The following TFEC variants were observed in gnomAD, a reference collection of about 807,000 sequenced individuals.
TFEC encodes the protein transcription factor EC.
TFEC carries 31 observed loss-of-function variants against 41.6 expected under a neutral mutation model. That is an observed-to-expected ratio of 0.74 (90% CI 0.56 to 1.01). TFEC has a LOEUF of 1.01. Ranked by LOEUF, TFEC falls within the 50% of genes least tolerant of loss-of-function variation. The pLI is 0.00. For missense variants in TFEC, 402 were observed against 404.1 expected (o/e 0.99, Z 0.04); for synonymous variants, 143 against 140.6 (o/e 1.02, Z -0.12).
At chr7:116,111,343 A>C (rs1584530511) in intron 2 of TFEC, among the ~76,000 whole-genome samples, 1 of 152,052 alleles carries the variant, frequency 6.6e-6, no homozygotes, top group East Asian at 1.9e-4. Context: ...AGTATATTAA[A>C]ATATGTCAAA....
chr7:116,064,371 TA>T (rs1451063912), intron 3 of TFEC, among the ~76,000 whole-genome samples: 1 of 150,640 alleles, frequency 6.6e-6, no homozygotes, highest in Admixed American at 6.6e-5. Flanking sequence ...TATTTGTCAA[TA>T]AAATAAAATA....
intron 3 of TFEC, among the ~76,000 whole-genome samples, chr7:115,959,373 G>T (rs1049941945): frequency 5.9e-5 from 9 of 151,810 alleles, no homozygotes; most frequent in African/African-American, 2.2e-4. Flanking sequence ...AATAACAGTA[G>T]TTTCCTGGTA....
At chr7:116,093,245 A>G (rs1449090190) in intron 3 of TFEC, among the ~76,000 whole-genome samples, 1 of 152,138 alleles carries the variant, frequency 6.6e-6, no homozygotes, top group Non-Finnish European at 1.5e-5. Context: ...TAGAATATAT[A>G]TGTTTGAAAA....
intron 3 of TFEC, among the ~76,000 whole-genome samples, chr7:116,094,089 A>G (rs1797392425): frequency 6.6e-6 from 1 of 152,210 alleles, no homozygotes; most frequent in South Asian, 2.1e-4. Context: ...AACAGATTGG[A>G]CACCAACAGA....
chr7:115,962,052 T>G (rs370070442), intron 3 of TFEC, among the ~76,000 whole-genome samples: 2 of 151,424 alleles, frequency 1.3e-5, no homozygotes, highest in East Asian at 3.9e-4. Flanking sequence ...ACATGAACCA[T>G]GAACAAACTG....
chr7:116,008,329 A>G (rs1794877262), intron 1 of TFEC, among the ~76,000 whole-genome samples: 1 of 152,224 alleles, frequency 6.6e-6, no homozygotes, highest in African/African-American at 2.4e-5. Flanking sequence ...ACCTGGTGAT[A>G]GTAAATAAAA....
chr7:115,945,864 G>A (rs1791510191), intron 6 of TFEC, among the ~76,000 whole-genome samples: 1 of 151,698 alleles, frequency 6.6e-6, no homozygotes, highest in Admixed American at 6.6e-5. Flanking sequence ...ATGAGGTCAA[G>A]CTCATTCATT....
intron 3 of TFEC, among the ~76,000 whole-genome samples, chr7:116,106,842 C>A (rs935310957): frequency 6.6e-6 from 1 of 152,160 alleles, no homozygotes; most frequent in Admixed American, 6.5e-5. Flanking sequence ...CCAAATGCAC[C>A]CAGGGTGTCT....
chr7:116,023,646 T>A (rs542773312), intron 1 of TFEC, among the ~76,000 whole-genome samples: 1 of 152,122 alleles, frequency 6.6e-6, no homozygotes, highest in Non-Finnish European at 1.5e-5. Context: ...TTGCCCTAGG[T>A]CAGTTCATCT....
intron 1 of TFEC, among the ~76,000 whole-genome samples, chr7:116,112,271 A>C (rs1358641895): frequency 6.6e-6 from 1 of 152,016 alleles, no homozygotes; most frequent in Non-Finnish European, 1.5e-5. Context: ...ATAACTGATT[A>C]CAAAAGTATG....
intron 2 of TFEC, among the ~76,000 whole-genome samples, chr7:115,976,928 C>A (rs1253238101): frequency 6.6e-6 from 1 of 152,106 alleles, no homozygotes. Flanking sequence ...TCCCTTATTC[C>A]AGAAAGAAAC....
At chr7:116,105,502 T>C (rs1012780336) in intron 3 of TFEC, among the ~76,000 whole-genome samples, 21 of 152,196 alleles carry the variant, frequency 1.4e-4, no homozygotes, top group African/African-American at 5.1e-4. Flanking sequence ...TAAATATCCC[T>C]GCAGGCCCCC....
intron 1 of TFEC, among the ~76,000 whole-genome samples, chr7:116,138,358 T>G (rs1288918959): frequency 6.6e-6 from 1 of 152,184 alleles, no homozygotes; most frequent in African/African-American, 2.4e-5. Context: ...GTATACAGTT[T>G]AATGTTCCAT....
chr7:116,005,365 A>C (rs1449976817), intron 1 of TFEC, among the ~76,000 whole-genome samples: 1 of 152,184 alleles, frequency 6.6e-6, no homozygotes, highest in African/African-American at 2.4e-5. Context: ...TGATATGAAC[A>C]ATAAGGTCCA....
intron 1 of TFEC, among the ~76,000 whole-genome samples, chr7:116,003,816 C>T (rs1257408304): frequency 6.6e-6 from 1 of 151,868 alleles, no homozygotes; most frequent in Non-Finnish European, 1.5e-5. Flanking sequence ...AGCTACAAAT[C>T]AATAACAAAA....
At chr7:115,982,060 T>A (rs1212235706) in intron 2 of TFEC, among the ~76,000 whole-genome samples, 4 of 152,168 alleles carry the variant, frequency 2.6e-5, no homozygotes, top group African/African-American at 9.7e-5. Context: ...CTTAAAGATT[T>A]TCAGTCTTCA....
chr7:116,044,280 G>A (rs1431286503), intron 3 of TFEC, among the ~76,000 whole-genome samples: 1 of 152,164 alleles, frequency 6.6e-6, no homozygotes, highest in East Asian at 1.9e-4. Flanking sequence ...TACCAGGCAA[G>A]CTAATAATGT....
rs367612538 is a variant in TFEC, at chr7:116,153,751, T to C, written c.-69+6039A>G. Among the ~76,000 whole-genome samples, 33 of 152,100 alleles carry C rather than the reference T, an allele frequency of 2.2e-4. 1 individual carries two copies. Among genetic ancestry groups the C allele is most frequent in the African/African-American group, 7.2e-4 (30 of 41,494 alleles). On this transcript the variant is annotated intron_variant, in intron 1 of 8. Coordinates refer to the TFEC transcript ENST00000484212. ...AAAAATTTTAAACCACTAGGTAAGA[T>C]TGGAATGAATTGGACACTGCATAAA...
intron 1 of TFEC, among the ~76,000 whole-genome samples, chr7:116,157,605 A>G (rs1798895519): frequency 6.6e-6 from 1 of 152,112 alleles, no homozygotes; most frequent in Non-Finnish European, 1.5e-5. Flanking sequence ...TCAAAAAATA[A>G]TATGTTGAGT....
Sources: allele counts gnomAD v4.1 joint callset (sites outside exome capture counted in the v4.1 genomes callset), GRCh38; gene constraint gnomAD v4.1.1; transcripts MANE v1.5; gene names NCBI Gene and HGNC (gene_info 2026-07-23, HGNC 2026-07-21).